N4BP2L2: variants seen among roughly 807,000 people sequenced by gnomAD.
The protein encoded by N4BP2L2 is NEDD4-binding protein 2-like 2.
Under a neutral mutation model 56.2 loss-of-function variants are expected in N4BP2L2, and 50 were observed. The ratio of observed to expected loss-of-function variants is 0.89; its 90% confidence interval spans 0.71 to 1.13. The LOEUF (loss-of-function observed/expected upper bound fraction) is 1.13. Ranked by LOEUF, N4BP2L2 falls within the 50% of genes most tolerant of loss-of-function variation. N4BP2L2 has a pLI of 0.00. For synonymous variants in N4BP2L2, 203 were observed against 223.6 expected (o/e 0.91, Z 0.82); for missense variants, 689 against 693.8 (o/e 0.99, Z 0.08).
At chr13:32,499,807 TATA>T (rs2089604834) in intron 6 of N4BP2L2, among the ~76,000 whole-genome samples, 1 of 152,126 alleles carries the variant, frequency 6.6e-6, no homozygotes, top group Non-Finnish European at 1.5e-5. Context: ...GCAGGAAGCT[TATA>T]GTCCAATTCT....
chr13:32,488,186 C>G (rs1267047580), intron 6 of N4BP2L2, among the ~76,000 whole-genome samples: 1 of 152,090 alleles, frequency 6.6e-6, no homozygotes, highest in Non-Finnish European at 1.5e-5. Flanking sequence ...AGGTTGGATT[C>G]AGAAAATGTG....
At chr13:32,492,272 A>ATTTTTTTTTTTT (rs1185615708) in intron 6 of N4BP2L2, among the ~76,000 whole-genome samples, 1 of 77,038 alleles carries the variant, frequency 1.3e-5, no homozygotes, top group African/African-American at 5.7e-5. Context: ...AAAACACCAA[A>ATTTTTTTTTTTT]ATTTTTTTTT....
chr13:32,434,742 C>T (rs2075281822), intron 9 of N4BP2L2, among the ~76,000 whole-genome samples: 1 of 152,006 alleles, frequency 6.6e-6, no homozygotes, highest in Non-Finnish European at 1.5e-5. Context: ...TACTTAATGC[C>T]AAACATAAAA....
intron 6 of N4BP2L2, among the ~76,000 whole-genome samples, chr13:32,490,357 T>G (rs1485624078): frequency 6.6e-6 from 1 of 152,102 alleles, no homozygotes; most frequent in East Asian, 1.9e-4. Context: ...CAGGCTGGAG[T>G]GCAGTGGCGC....
chr13:32,438,804 A>G (rs1387853529), intron 7 of N4BP2L2: 1 of 1,113,376 alleles, frequency 9.0e-7, no homozygotes, highest in African/African-American at 1.5e-5. Context: ...AACTGTGAAG[A>G]CATGCAAACC....
intron 6 of N4BP2L2, among the ~76,000 whole-genome samples, chr13:32,459,924 G>A (rs1431386644): frequency 6.6e-6 from 1 of 152,012 alleles, no homozygotes; most frequent in African/African-American, 2.4e-5. Flanking sequence ...ATGAACAAAT[G>A]GAATCTAACA....
At chr13:32,478,156 A>G (rs1164153540) in intron 6 of N4BP2L2, 23 of 924,930 alleles carry the variant, frequency 2.5e-5, no homozygotes, top group African/African-American at 8.7e-5. Context: ...TTCAATCTCA[A>G]CGAAGAACTT....
At chr13:32,457,168 A>G (rs956584022) in intron 6 of N4BP2L2, among the ~76,000 whole-genome samples, 14 of 152,142 alleles carry the variant, frequency 9.2e-5, no homozygotes, top group African/African-American at 3.1e-4. Flanking sequence ...AATCAAACCA[A>G]TAACTAACTA....
At chr13:32,527,779 CTT>C (rs11374781) in intron 2 of N4BP2L2, among the ~76,000 whole-genome samples, 12 of 139,404 alleles carry the variant, frequency 8.6e-5, no homozygotes, top group Admixed American at 1.4e-4. Flanking sequence ...AACAGAAACT[CTT>C]TTTTTTTTTT....
At chr13:32,473,216 A>G (rs1047345873) in intron 6 of N4BP2L2, among the ~76,000 whole-genome samples, 5 of 151,826 alleles carry the variant, frequency 3.3e-5, no homozygotes, top group African/African-American at 1.2e-4. Flanking sequence ...CAAGAGGCAG[A>G]GATTGCAGTG....
intron 6 of N4BP2L2, among the ~76,000 whole-genome samples, chr13:32,451,468 C>T (rs986348284): frequency 1.4e-4 from 22 of 151,838 alleles, no homozygotes; most frequent in African/African-American, 4.8e-4. Flanking sequence ...AACTTTATAA[C>T]AACAAATTTG....
chr13:32,507,484 T>C (rs2091145171), downstream of N4BP2L2: 1 of 152,206 alleles, frequency 6.6e-6, no homozygotes, highest in Non-Finnish European at 1.5e-5. Flanking sequence ...TGTCCTCATT[T>C]ATCCTATATT....
chr13:32,522,448 C>T (rs2051250822), intron 3 of N4BP2L2, 178 bp from the exon 4 acceptor site: 1 of 407,786 alleles, frequency 2.5e-6, no homozygotes, highest in African/African-American at 2.1e-5. Flanking sequence ...AATTAAAGGA[C>T]ACAACCATAT....
intron 3 of N4BP2L2, among the ~76,000 whole-genome samples, chr13:32,525,960 G>A (rs965738124): frequency 6.7e-6 from 1 of 149,614 alleles, no homozygotes; most frequent in Admixed American, 6.6e-5. Context: ...AGAGGGAAGA[G>A]GTTGTCCCTG....
chr13:32,497,213 T>C (rs1593872153), intron 6 of N4BP2L2, among the ~76,000 whole-genome samples: 2 of 152,212 alleles, frequency 1.3e-5, no homozygotes, highest in South Asian at 2.1e-4. Flanking sequence ...AGAACCTCAT[T>C]TTCCCCTAAT....
intron 2 of N4BP2L2, among the ~76,000 whole-genome samples, chr13:32,532,049 C>T (rs566418150): frequency 1.3e-5 from 2 of 152,194 alleles, no homozygotes; most frequent in Non-Finnish European, 2.9e-5. Flanking sequence ...TTATTAAGAA[C>T]CTTTGTGATC....
At chr13:32,472,935 A>C (rs1343755842) in intron 6 of N4BP2L2, among the ~76,000 whole-genome samples, 1 of 152,188 alleles carries the variant, frequency 6.6e-6, no homozygotes, top group East Asian at 1.9e-4. Context: ...GTAAGTCTAA[A>C]CTGGATTTCA....
chr13:32,517,063 A>G (rs2049388340), exon 6 of N4BP2L2: 1 of 972,980 alleles, frequency 1.0e-6, no homozygotes, highest in Non-Finnish European at 1.2e-6. Context: ...TACTAGAATT[A>G]TATCACATTA....
chr13:32,501,866 T>C (rs1282159937), intron 6 of N4BP2L2, among the ~76,000 whole-genome samples: 1 of 151,724 alleles, frequency 6.6e-6, no homozygotes. Context: ...AATATCAACA[T>C]AATTAGATCA....
Sources: gnomAD v4.1 joint callset for allele counts (sites outside exome capture counted in the v4.1 genomes callset) on GRCh38, gnomAD v4.1.1 for gene constraint, MANE v1.5 for transcripts, NCBI Gene and HGNC (gene_info 2026-07-23, HGNC 2026-07-21) for gene names.